The following PTPN23 variants were observed in gnomAD, a reference collection of about 807,000 sequenced individuals.
PTPN23 encodes tyrosine-protein phosphatase non-receptor type 23.
In PTPN23, 72 loss-of-function variants were observed where a neutral mutation model predicts 156.3. That is an observed-to-expected ratio of 0.46 (90% CI 0.38 to 0.56). PTPN23 has a LOEUF of 0.56. PTPN23 is among the 20% of genes least tolerant of loss of function. The pLI is 0.00. For missense variants in PTPN23, 1,974 were observed against 2,171.5 expected, an observed-to-expected ratio of 0.91 and a Z score of 1.81; for synonymous variants, 957 against 899.6, an observed-to-expected ratio of 1.06 and a Z score of -1.14.
chr3:47,412,551 A>G lies in PTPN23; in HGVS notation c.4355A>G (p.His1452Arg), dbSNP rs1019484378. 3 of 1,613,456 alleles carry G rather than the reference A, an allele frequency of 1.9e-6. No homozygotes were observed. Among genetic ancestry groups the G allele is most frequent in the Non-Finnish European group, 1.7e-6 (2 of 1,179,988 alleles). Residue 1452 changes from histidine (H) to arginine (R), a missense_variant, in exon 24 of 25, where the codon CAC (histidine) becomes CGC (arginine). His to Arg is a conservative substitution (Grantham distance 29). Coordinates refer to ENST00000265562, the MANE Select transcript of PTPN23 (RefSeq NM_015466.4). ...TTCTGCTATGAGGCAGTGGTGAGAC[A>G]CGTGGAGCAGGTCCTGCAGCGCCAT... is the stretch of plus-strand genomic sequence containing the variant. The part of the protein sequence containing the change: ...LRFCYEAVVR[H>R]VEQVLQRHGV...
rs942488899 is a variant in PTPN23, at chr3:47,405,050, G to A, written c.333G>A (p.Lys111=). ...SGKSVAHEDI[K]YEQACILYNL... ...AGTCTGTGGCCCATGAGGACATCAAGTACGAGCAGGCCTGTATTCTCTACA... is the reference window on the plus strand; with the variant it reads ...AGTCTGTGGCCCATGAGGACATCAAATACGAGCAGGCCTGTATTCTCTACA... The change falls in exon 4 of 25, where the codon AAG becomes AAA. Residue 111 remains lysine (K), a synonymous_variant. Transcript: ENST00000265562. The surrounding 1 kb of genome is among the most constrained non-coding windows in gnomAD (Gnocchi z 4.7). 1.1e-5 allele frequency: 18 copies of A among 1,614,100 alleles called. No homozygotes were observed. Among genetic ancestry groups the A allele is most frequent in the Admixed American group, 1.0e-4 (6 of 60,002 alleles).
intron 2 of PTPN23, among the ~76,000 whole-genome samples, chr3:47,404,283 T>G (rs1559523791): frequency 6.6e-6 from 1 of 152,080 alleles, no homozygotes; most frequent in African/African-American, 2.4e-5. Context: ...AAATACAAAA[T>G]TAGCCAGGCA....
chr3:47,408,690 G>T, intron 15 of PTPN23, 86 bp from the exon 16 acceptor site: 2 of 1,494,380 alleles, frequency 1.3e-6, no homozygotes, highest in South Asian at 2.6e-5. Context: ...CCTGACCTGA[G>T]GGGGCGGTTC....
chr3:47,381,912 G>A (rs1369354684), intron 1 of PTPN23, among the ~76,000 whole-genome samples: 1 of 152,128 alleles, frequency 6.6e-6, no homozygotes, highest in Non-Finnish European at 1.5e-5. Context: ...TCTGTGGAGA[G>A]GTTCAGGTGT....
At chr3:47,409,386 T>C (rs1705209474) in intron 17 of PTPN23, 31 bp from the exon 18 acceptor site, 3 of 1,613,406 alleles carry the variant, frequency 1.9e-6, no homozygotes, top group African/African-American at 2.7e-5. Context: ...AGGCCCTGAG[T>C]GTCCGTCCCT....
At chr3:47,396,917 G>A (rs1704890806) in intron 2 of PTPN23, among the ~76,000 whole-genome samples, 1 of 152,184 alleles carries the variant, frequency 6.6e-6, no homozygotes, top group African/African-American at 2.4e-5. Context: ...GTGACAAAGT[G>A]AGACCCTGAC....
Position 47,405,276 on chromosome 3 carries a change from G to C in PTPN23, c.364+195G>C, listed in dbSNP as rs1705095401. On this transcript the variant is annotated intron_variant, in intron 4 of 24. Transcript: ENST00000265562. The surrounding 1 kb of genome is among the most constrained non-coding windows in gnomAD (Gnocchi z 4.7). ...CTGGGCCCGTGGGGAGCCTCTGCTG[G>C]GGCGAGGCTCTACTGGGCTGGCTGC... 1.6e-6 allele frequency: 1 copy of C among 608,702 alleles called. No homozygotes were observed. The highest frequency in any genetic ancestry group is 2.9e-6 in the Non-Finnish European group (1 of 341,680). The allele number at this position is 608,702 out of a possible 1,614,324, so 37.7% of individuals were successfully genotyped here.
intron 3 of PTPN23, 82 bp from the exon 4 acceptor site, chr3:47,404,923 A>G: frequency 3.1e-6 from 5 of 1,587,608 alleles, no homozygotes; most frequent in Non-Finnish European, 4.3e-6. Context: ...CATCCCCACA[A>G]TGGGGTGTTT....
chr3:47,402,805 A>G (rs1162326273), intron 2 of PTPN23, among the ~76,000 whole-genome samples: 1 of 152,070 alleles, frequency 6.6e-6, no homozygotes, highest in Non-Finnish European at 1.5e-5. Context: ...TCCCAGATTC[A>G]AACGATTCTC....
At chr3:47,409,891 G>A in intron 19 of PTPN23, 37 bp from the exon 20 acceptor site, 1 of 1,579,706 alleles carries the variant, frequency 6.3e-7, no homozygotes, top group Non-Finnish European at 8.6e-7. Flanking sequence ...TGGGGTGATG[G>A]GAGCCTGGCC....
At chr3:47,412,491 C>A in intron 23 of PTPN23, 23 bp from the exon 24 acceptor site, 1 of 1,612,042 alleles carries the variant, frequency 6.2e-7, no homozygotes, top group Non-Finnish European at 8.5e-7. Context: ...GCCCAGCTGA[C>A]CTGGCCAAAT....
chr3:47,389,947 C>T (rs1387937117), intron 1 of PTPN23, among the ~76,000 whole-genome samples: 3 of 151,626 alleles, frequency 2.0e-5, no homozygotes, highest in Non-Finnish European at 4.4e-5. Context: ...GCTGCATGCA[C>T]CTGTAGTCCC....
intron 1 of PTPN23, among the ~76,000 whole-genome samples, chr3:47,384,966 TAGTC>T (rs1329011489): frequency 6.6e-6 from 1 of 152,146 alleles, no homozygotes; most frequent in Non-Finnish European, 1.5e-5. Context: ...TTCTCCATGT[TAGTC>T]AGGCTGGTCT....
intron 21 of PTPN23, 41 bp downstream of exon 21, chr3:47,412,008 C>T: frequency 6.2e-7 from 1 of 1,605,242 alleles, no homozygotes; most frequent in Non-Finnish European, 8.5e-7. Flanking sequence ...GGTCTAAGTG[C>T]TGTCCAGTCC....
At chr3:47,396,382 C>T in intron 2 of PTPN23, 165 bp downstream of exon 2, 1 of 444,960 alleles carries the variant, frequency 2.2e-6, no homozygotes, top group South Asian at 2.4e-5. Context: ...TGAGACCAGC[C>T]TGGCCAACAT....
Position 47,410,358 on chromosome 3 carries a change from G to T in PTPN23, c.2560G>T (p.Ala854Ser). Residue 854 changes from alanine to serine, a missense_variant, in exon 20 of 25, where the codon GCC becomes TCC. By Grantham distance (99) the Ala-to-Ser change is moderately conservative. This residue lies in a region of PTPN23 where 731 missense variants were observed against 669.1 expected (regional missense o/e 1.09). Transcript: ENST00000265562. ...CAGTCCCTATGTGGGGGTAGGGCCG[G>T]CCCCACCAGTTGCAGGTCTCCCCTC... Reference protein sequence around the residue: ...VSSPYVGVGPAPPVAGLPSAP... With the variant: ...VSSPYVGVGPSPPVAGLPSAP... 6.2e-7 allele frequency: 1 copy of T among 1,609,284 alleles called. No individual in the cohort carries two copies.
chr3:47,411,503 G>T lies in PTPN23; in HGVS notation c.3705G>T (p.Val1235=). The T allele has an allele frequency of 6.2e-7, 1 of 1,613,122 alleles. No individual in the cohort carries two copies. The part of the protein sequence containing the change: ...DVMPYDSNRV[V]LRSGKDDYIN... The stretch of plus-strand genomic sequence containing the variant: ...TGCCCTATGACAGTAACCGTGTGGT[G>T]CTGCGCTCAGGCAAGGATGACTACA... Residue 1235 remains valine, a synonymous_variant, in exon 20 of 25, where the codon GTG becomes GTT. Transcript: ENST00000265562. The surrounding 1 kb of genome is among the most constrained non-coding windows in gnomAD (Gnocchi z 6.3).
chr3:47,399,096 A>G (rs1456960793), intron 2 of PTPN23, among the ~76,000 whole-genome samples: 1 of 152,116 alleles, frequency 6.6e-6, no homozygotes, highest in African/African-American at 2.4e-5. Context: ...CCGTGGAGGG[A>G]GGTGCAATAG....
chr3:47,390,458 C>T (rs951166478), intron 1 of PTPN23, among the ~76,000 whole-genome samples: 1 of 152,140 alleles, frequency 6.6e-6, no homozygotes, highest in African/African-American at 2.4e-5. Flanking sequence ...GGTCTTCTTC[C>T]TGTTAGTTGT....
Sources: allele counts gnomAD v4.1 joint callset (sites outside exome capture counted in the v4.1 genomes callset), GRCh38; gene constraint gnomAD v4.1.1; regional missense constraint gnomAD v4.1.1; non-coding constraint Gnocchi (gnomAD v3.1); transcripts MANE v1.5; gene names NCBI Gene and HGNC (gene_info 2026-07-23, HGNC 2026-07-21).